CNOT10: variants seen among roughly 807,000 people sequenced by gnomAD.
The protein encoded by CNOT10 is CCR4-NOT transcription complex, subunit 10.
A neutral mutation model predicts 94.6 loss-of-function variants in CNOT10; 30 were observed. The ratio of observed to expected loss-of-function variants is 0.32; its 90% confidence interval spans 0.24 to 0.43. The LOEUF (loss-of-function observed/expected upper bound fraction) is 0.43, where lower values mean the gene tolerates loss of function less well. Ranked by LOEUF, CNOT10 falls within the 20% of genes least tolerant of loss-of-function variation. CNOT10 has a pLI of 1.00. For missense variants in CNOT10, 759 were observed against 877.2 expected (o/e 0.87, Z 1.70); for synonymous variants, 289 against 301.6 (o/e 0.96, Z 0.43).
At chr3:32,772,997 C>G (rs1329944248) in intron 18 of CNOT10, among the ~76,000 whole-genome samples, 2 of 152,174 alleles carry the variant, frequency 1.3e-5, no homozygotes, top group African/African-American at 4.8e-5. Flanking sequence ...CCCCAAGTAG[C>G]TGGGACTACA....
At chr3:32,739,240 T>C (rs961084036) in intron 13 of CNOT10, among the ~76,000 whole-genome samples, 1 of 152,182 alleles carries the variant, frequency 6.6e-6, no homozygotes, top group Non-Finnish European at 1.5e-5. Flanking sequence ...GATCTCTTGC[T>C]TTCTCTCCTT....
rs753515155 is a variant in CNOT10, at chr3:32,759,582, C to T, written c.1709+11C>T. The stretch of plus-strand genomic sequence containing the variant: ...GTCAGGATCTCTTAAGTAAGTGTGA[C>T]TTGCCCTGTGTGTCCCTGGTTTCTT... On this transcript the variant is annotated intron_variant, in intron 14 of 18. Coordinates refer to ENST00000328834, the MANE Select transcript of CNOT10 (RefSeq NM_015442.3). 1.3e-6 allele frequency: 2 copies of T among 1,587,640 alleles called. No homozygotes were observed. Among genetic ancestry groups the T allele is most frequent in the South Asian group, 2.2e-5 (2 of 90,416 alleles).
chr3:32,689,308 G>A (rs1696754525), intron 1 of CNOT10, among the ~76,000 whole-genome samples: 3 of 150,494 alleles, frequency 2.0e-5, no homozygotes, highest in Admixed American at 6.6e-5. Context: ...AGCCAAGATC[G>A]TGCCATTGCC....
chr3:32,741,723 C>A (rs1278570545), intron 13 of CNOT10, among the ~76,000 whole-genome samples: 9 of 149,884 alleles, frequency 6.0e-5, no homozygotes, highest in Non-Finnish European at 1.2e-4. Context: ...GAGCCGAAAT[C>A]GTGCCACTGC....
At position 32,762,853 on chromosome 3, in the gene CNOT10, G is replaced by A; in HGVS notation, c.1830G>A (p.Glu610=). Residue 610 remains glutamate (E), a synonymous_variant, in exon 15 of 19, where the codon GAG becomes GAA. Coordinates refer to ENST00000328834, the MANE Select transcript of CNOT10 (RefSeq NM_015442.3). ...TDVSLGISSN[E]QDQGSDKGEN... The stretch of plus-strand genomic sequence containing the variant: ...TCTCCTTAGGGATCTCTTCAAATGA[G>A]CAGGACCAAGGTTAATGAGGACATC... The A allele has an allele frequency of 2.6e-6, 4 of 1,549,312 alleles. No individual in the cohort carries two copies. The highest frequency in any genetic ancestry group is 3.5e-6 in the Non-Finnish European group (4 of 1,159,178).
At chr3:32,694,015 T>A (rs1451187474) in intron 1 of CNOT10, among the ~76,000 whole-genome samples, 1 of 151,692 alleles carries the variant, frequency 6.6e-6, no homozygotes, top group Non-Finnish European at 1.5e-5. Context: ...TCTCAGGAAA[T>A]TTTTTTTTCT....
intron 1 of CNOT10, among the ~76,000 whole-genome samples, chr3:32,694,961 G>C (rs1450172466): frequency 6.6e-6 from 1 of 152,178 alleles, no homozygotes; most frequent in African/African-American, 2.4e-5. Flanking sequence ...CTGACCCCAG[G>C]TGATCCTCCT....
chr3:32,710,147 CAAAA>C (rs68126514), intron 4 of CNOT10, among the ~76,000 whole-genome samples: 1,724 of 70,660 alleles, frequency 0.024, 44 homozygotes, highest in African/African-American at 0.082. Flanking sequence ...AACTTGCTCT[CAAAA>C]AAAAAAAAAA....
At chr3:32,739,161 C>T (rs1699335650) in intron 13 of CNOT10, among the ~76,000 whole-genome samples, 1 of 152,190 alleles carries the variant, frequency 6.6e-6, no homozygotes, top group Non-Finnish European at 1.5e-5. Context: ...CCGCCTCAGC[C>T]TCCCAAAGTT....
chr3:32,770,325 T>G (rs1219755413), intron 18 of CNOT10, among the ~76,000 whole-genome samples: 2 of 137,298 alleles, frequency 1.5e-5, no homozygotes, highest in Non-Finnish European at 3.2e-5. Flanking sequence ...AGATTTTTTT[T>G]TTTTTTTTTT....
intron 3 of CNOT10, among the ~76,000 whole-genome samples, chr3:32,706,152 G>A (rs6809257): frequency 0.061 from 9,293 of 152,120 alleles, 328 homozygotes; most frequent in African/African-American, 0.09. Flanking sequence ...TCATAAATTT[G>A]TATGTCCTCA....
intron 13 of CNOT10, among the ~76,000 whole-genome samples, chr3:32,740,505 G>A (rs1360520888): frequency 6.6e-6 from 1 of 152,018 alleles, no homozygotes; most frequent in African/African-American, 2.4e-5. Context: ...CATTGATACA[G>A]TAAAGATACA....
intron 13 of CNOT10, among the ~76,000 whole-genome samples, chr3:32,756,200 T>G (rs1234690627): frequency 6.6e-6 from 1 of 152,086 alleles, no homozygotes; most frequent in East Asian, 1.9e-4. Flanking sequence ...AAATGTTGGT[T>G]TGAGTTTCGG....
At chr3:32,692,916 G>T (rs559179759) in intron 1 of CNOT10, among the ~76,000 whole-genome samples, 4 of 151,994 alleles carry the variant, frequency 2.6e-5, no homozygotes, top group Non-Finnish European at 5.9e-5. Context: ...GTGCTGCTGC[G>T]TGCCTGTAGT....
At chr3:32,702,692 A>C (rs921435918) in intron 1 of CNOT10, among the ~76,000 whole-genome samples, 4 of 152,134 alleles carry the variant, frequency 2.6e-5, no homozygotes, top group African/African-American at 9.7e-5. Flanking sequence ...CACCTGCCAT[A>C]GTTGCTTGAA....
rs540252267 is a variant in CNOT10 at position 32,713,083 on chromosome 3, C to T, written c.431-144C>T. On this transcript the variant is annotated intron_variant, in intron 4 of 18. Transcript: ENST00000328834. ...GTTGGCATTGCAAGTTGCTTTCATT[C>T]GTGGCTCTAGGTGATAGGCATTCAT... is the stretch of plus-strand genomic sequence containing the variant. The T allele has an allele frequency of 1.8e-5, 10 of 558,344 alleles. No individual in the cohort carries two copies. The East Asian group carries it at 2.5e-4, about 14-fold the overall frequency. The allele number at this position is 558,344 out of a possible 1,614,324, so 34.6% of individuals were successfully genotyped here.
intron 13 of CNOT10, among the ~76,000 whole-genome samples, chr3:32,742,464 C>T (rs1699515067): frequency 6.6e-6 from 1 of 151,922 alleles, no homozygotes; most frequent in African/African-American, 2.4e-5. Flanking sequence ...TCACTGCAAC[C>T]TCCGCCTCCC....
intron 10 of CNOT10, among the ~76,000 whole-genome samples, chr3:32,730,239 A>G (rs868061258): frequency 1.3e-5 from 2 of 152,096 alleles, no homozygotes; most frequent in African/African-American, 4.8e-5. Flanking sequence ...TTCTTTTTAA[A>G]TTAACTGGTT....
chr3:32,735,059 A>G, intron 12 of CNOT10, 83 bp downstream of exon 12: 1 of 1,157,572 alleles, frequency 8.6e-7, no homozygotes, highest in Non-Finnish European at 1.2e-6. Context: ...GTAAATTCCT[A>G]AAATCTTCAA....
Sources: gnomAD v4.1 joint callset for allele counts (sites outside exome capture counted in the v4.1 genomes callset) on GRCh38, gnomAD v4.1.1 for gene constraint, MANE v1.5 for transcripts, NCBI Gene and HGNC (gene_info 2026-07-23, HGNC 2026-07-21) for gene names.